MAPK8IP2: variants seen among roughly 807,000 people sequenced by gnomAD.
The protein encoded by MAPK8IP2 is mitogen-activated protein kinase 8 interacting protein 2, also known as C-Jun-amino-terminal kinase-interacting protein 2.
MAPK8IP2 carries 15 observed loss-of-function variants against 75.6 expected under a neutral mutation model. That is an observed-to-expected ratio of 0.20 (90% CI 0.13 to 0.31). MAPK8IP2 has a LOEUF of 0.31. MAPK8IP2 is among the 10% of genes least tolerant of loss of function. The pLI is 1.00. For missense variants in MAPK8IP2, 1,089 were observed against 1,211.2 expected, an observed-to-expected ratio of 0.90 and a Z score of 1.50; for synonymous variants, 632 against 554.5, an observed-to-expected ratio of 1.14 and a Z score of -1.96.
In MAPK8IP2 at chr22:50,603,643, C is replaced by T. The variant is rs371979192; in HGVS notation, c.465C>T (p.Asn155=). 1.1e-4 allele frequency: 177 copies of T among 1,594,770 alleles called. No homozygotes were observed. Among genetic ancestry groups the T allele is most frequent in the Non-Finnish European group, 1.5e-4 (171 of 1,171,174 alleles). Reference sequence around the variant, plus strand: ...CACCCCAGGACTCCCTAAACAACAACGGAGGCTTTGACCTGGTGCGTCCGG... The same window carrying T: ...CACCCCAGGACTCCCTAAACAACAATGGAGGCTTTGACCTGGTGCGTCCGG... ...TLGAQDSLNN[N]GGFDLVRPAS... is the part of the protein sequence containing the mutation. The change falls in exon 4 of 12, where the codon AAC becomes AAT. Residue 155 remains asparagine (N), a synonymous_variant. Transcript: ENST00000329492.
In MAPK8IP2 at chr22:50,604,080, G is replaced by C. The variant is rs755283125; in HGVS notation, c.781G>C (p.Gly261Arg). 1 of 1,543,694 alleles carries C rather than the reference G, an allele frequency of 6.5e-7. No individual in the cohort carries two copies. The highest frequency in any genetic ancestry group is 2.5e-5 in the East Asian group (1 of 40,790). The change falls in exon 5 of 12, where the codon GGC becomes CGC. Residue 261 changes from glycine (G) to arginine (R), a missense_variant. Transcript: ENST00000329492. ...SPGSDSEDAG[G>R]ARLGRMISSI... ...CGGCTCCGACTCGGAGGACGCGGGCGGCGCGCGCCTGGGGCGCATGATCTC... is the reference window on the plus strand; with the variant it reads ...CGGCTCCGACTCGGAGGACGCGGGCCGCGCGCGCCTGGGGCGCATGATCTC...
intron 1 of MAPK8IP2, chr22:50,601,426 C>G (rs868671306): frequency 4.1e-6 from 1 of 244,936 alleles, no homozygotes; most frequent in African/African-American, 2.2e-5. Context: ...AGAGCAGGAG[C>G]GACCCCTCCC....
Position 50,604,186 on chromosome 22 carries a change from C to G in MAPK8IP2, c.887C>G (p.Ser296Cys), listed in dbSNP as rs1457973345. ...SSGRSSHLTN[S>C]IEEASSPASE... Reference sequence around the variant, plus strand: ...GGCCGCTCCTCGCACCTCACCAACTCCATCGAGGAGGCCTCGTCGCCCGCC... The same window carrying G: ...GGCCGCTCCTCGCACCTCACCAACTGCATCGAGGAGGCCTCGTCGCCCGCC... The change falls in exon 5 of 12, where the codon TCC (serine) becomes TGC (cysteine). Residue 296 changes from serine (S) to cysteine (C), a missense_variant. Ser to Cys is a moderately radical substitution (Grantham distance 112, BLOSUM62 -1). Around this residue, in one of 2 missense-constraint regions of MAPK8IP2, gnomAD observed 960 missense variants for 1,009.6 expected, o/e 0.95. Coordinates refer to ENST00000329492, the MANE Select transcript of MAPK8IP2 (RefSeq NM_012324.6). The G allele has an allele frequency of 6.5e-7, 1 of 1,547,562 alleles. No individual in the cohort carries two copies. The highest frequency in any genetic ancestry group is 1.9e-5 in the Admixed American group (1 of 52,872).
intron 10 of MAPK8IP2, among the ~76,000 whole-genome samples, chr22:50,609,456 G>A (rs566663331): frequency 1.3e-3 from 200 of 152,296 alleles, no homozygotes; most frequent in Non-Finnish European, 1.9e-3. Context: ...TGACTTGAAC[G>A]CGGCATTTGA....
In MAPK8IP2 at chr22:50,605,573, G is replaced by A. The variant is rs973874045; in HGVS notation, c.1853G>A (p.Arg618Gln). Reference sequence around the variant, plus strand: ...TCCCCCAACGGCAGGTTCATCCCGCGGCATCCAGACGAGCTGGAGCTGGAT... The same window carrying A: ...TCCCCCAACGGCAGGTTCATCCCGCAGCATCCAGACGAGCTGGAGCTGGAT... ...THRAVFRFIP[R>Q]HPDELELDVD... The change falls in exon 7 of 12, where the codon CGG becomes CAG. Residue 618 changes from arginine (R) to glutamine (Q), a missense_variant. Arg to Gln is a conservative substitution (Grantham distance 43). Around this residue, in one of 2 missense-constraint regions of MAPK8IP2, gnomAD observed 960 missense variants for 1,009.6 expected, o/e 0.95. Coordinates refer to ENST00000329492, the MANE Select transcript of MAPK8IP2 (RefSeq NM_012324.6). 1 of 1,588,462 alleles carries A rather than the reference G, an allele frequency of 6.3e-7. No individual in the cohort carries two copies. The highest frequency in any genetic ancestry group is 1.8e-5 in the Admixed American group (1 of 56,752).
Position 50,600,799 on chromosome 22 carries a change from G to A in MAPK8IP2, c.-20G>A. 8.0e-7 allele frequency: 1 copy of A among 1,243,454 alleles called. No homozygotes were observed. The highest frequency in any genetic ancestry group is 1.5e-5 in the South Asian group (1 of 66,972). 77.0% of individuals were successfully genotyped at this position (1,243,454 alleles called of 1,614,324 possible). On this transcript the variant is annotated 5_prime_UTR_variant, in exon 1 of 12. Coordinates refer to ENST00000329492, the MANE Select transcript of MAPK8IP2 (RefSeq NM_012324.6). ...GGCTCCCGCACCCCCCGCCGCAGTC[G>A]CGGGCCTCTCCCGGAGAAGATGGCG...
At position 50,605,709 on chromosome 22, in the gene MAPK8IP2, G is replaced by A. The variant is rs1345658213; in HGVS notation, c.1989G>A (p.Val663=). ...TTCCTGCCTTCTACGCCCATGCGGT[G>A]CCCGGCCCTGCCAAGGACCTGCTGG... ...GVFPAFYAHA[V]PGPAKDLLGS... is the part of the protein sequence containing the mutation. Residue 663 remains valine, a synonymous_variant, in exon 7 of 12, where the codon GTG becomes GTA. Transcript: ENST00000329492. The A allele has an allele frequency of 6.2e-7, 1 of 1,609,766 alleles. No individual in the cohort carries two copies.
chr22:50,609,613 G>A, intron 10 of MAPK8IP2: 1 of 385,396 alleles, frequency 2.6e-6, no homozygotes, highest in Non-Finnish European at 5.3e-6. Flanking sequence ...TGGGGGTGGG[G>A]CAGCGTCCTG....
At chr22:50,602,118 G>A (rs1309751651) in intron 2 of MAPK8IP2, among the ~76,000 whole-genome samples, 1 of 152,134 alleles carries the variant, frequency 6.6e-6, no homozygotes, top group Non-Finnish European at 1.5e-5. Flanking sequence ...CATTCTCCCC[G>A]ACCCCATCGG....
chr22:50,604,222 A>G lies in MAPK8IP2; in HGVS notation c.923A>G (p.Glu308Gly), dbSNP rs2146682525. ...GCCTCGTCGCCCGCCTCGGAGCCGG[A>G]GCCCCCGCGCGAACCCCCGCGCCGC... is the stretch of plus-strand genomic sequence containing the variant. Reference protein sequence around the residue: ...EEASSPASEPEPPREPPRRPA... With the variant: ...EEASSPASEPGPPREPPRRPA... Residue 308 changes from glutamate (E) to glycine (G), a missense_variant, in exon 5 of 12, where the codon GAG becomes GGG. Physicochemically the swap from Glu to Gly is moderately conservative, Grantham distance 98. Transcript: ENST00000329492. 6.4e-7 allele frequency: 1 copy of G among 1,554,668 alleles called. No individual in the cohort carries two copies. Among genetic ancestry groups the G allele is most frequent in the Non-Finnish European group, 8.6e-7 (1 of 1,158,356 alleles).
chr22:50,605,282 T>C (rs1162695645), intron 5 of MAPK8IP2, 86 bp from the exon 6 acceptor site: 6 of 1,339,468 alleles, frequency 4.5e-6, no homozygotes, highest in African/African-American at 1.4e-5. Context: ...GGAGGGGACT[T>C]GGCCTCTGCC....
rs1318134875 is a variant in MAPK8IP2 at position 50,610,946 on chromosome 22, C to G, written c.*167C>G. The G allele has an allele frequency of 3.3e-6, 2 of 597,926 alleles. No homozygotes were observed. The highest frequency in any genetic ancestry group is 6.1e-5 in the Admixed American group (2 of 32,840). The allele number at this position is 597,926 out of a possible 1,614,324, so 37.0% of individuals were successfully genotyped here. A position where few individuals can be genotyped will look rare whatever the true frequency, so the allele number is the denominator to read the frequency against. On this transcript the variant is annotated 3_prime_UTR_variant, in exon 12 of 12. Transcript: ENST00000329492. This position sits in a 1 kb window ranked among gnomAD's most constrained non-coding sequence, Gnocchi z 4.3. ...ACTCTCGTCCTCGGTCCCCAGGGCG[C>G]AGCTGTTGGGGCTGCGGGGGAGTGG...
chr22:50,603,522 CCTGGAG>C (rs2070977534), intron 3 of MAPK8IP2, 24 bp downstream of exon 3: 2 of 1,570,434 alleles, frequency 1.3e-6, no homozygotes, highest in African/African-American at 1.3e-5. Flanking sequence ...CCCACAGCTC[CCTGGAG>C]CTGAGCCTGG....
chr22:50,609,158 G>A (rs1473171906), intron 10 of MAPK8IP2, among the ~76,000 whole-genome samples: 1 of 152,186 alleles, frequency 6.6e-6, no homozygotes, highest in East Asian at 1.9e-4. Context: ...CGATGAACTC[G>A]TTTCTTCATG....
rs768504030 is a variant in MAPK8IP2, at chr22:50,604,913, G to A, written c.1614G>A (p.Glu538=). ...RCAGLGHDSE[E]DSGGEASEEE... Reference sequence around the variant, plus strand: ...CTGGGCTGGGCCACGACAGCGAAGAGGACAGCGGCGGGGAGGCCAGCGAGG... The same window carrying A: ...CTGGGCTGGGCCACGACAGCGAAGAAGACAGCGGCGGGGAGGCCAGCGAGG... Residue 538 remains glutamate, a synonymous_variant, in exon 5 of 12, where the codon GAG becomes GAA. Coordinates refer to ENST00000329492, the MANE Select transcript of MAPK8IP2 (RefSeq NM_012324.6). The A allele has an allele frequency of 5.4e-5, 87 of 1,610,138 alleles. No homozygotes were observed. The East Asian group carries it at 1.9e-3, about 34-fold the overall frequency.
chr22:50,605,164 G>A, intron 5 of MAPK8IP2, 100 bp downstream of exon 5: 1 of 1,417,530 alleles, frequency 7.1e-7, no homozygotes, highest in Non-Finnish European at 9.8e-7. Flanking sequence ...CCACCTGAGG[G>A]TCTGGCTGTG....
chr22:50,605,916 G>C lies in MAPK8IP2; in HGVS notation c.2106G>C (p.Leu702=). 1 of 1,579,306 alleles carries C rather than the reference G, an allele frequency of 6.3e-7. No homozygotes were observed. The highest frequency in any genetic ancestry group is 1.2e-5 in the South Asian group (1 of 86,368). ...CCTGCCACCAGGGCAACGGCATCCT[G>C]TGTGCAGCCATGCAGAAGGTCAGTG... ...EVPCHQGNGI[L]CAAMQKIATA... The change falls in exon 8 of 12, where the codon CTG becomes CTC. Residue 702 remains leucine, a synonymous_variant. Transcript: ENST00000329492.
intron 8 of MAPK8IP2, 104 bp from the exon 9 acceptor site, chr22:50,606,554 C>T: frequency 3.7e-6 from 3 of 821,090 alleles, no homozygotes; most frequent in Admixed American, 4.0e-5. Flanking sequence ...GCATGTGTGT[C>T]CTCAAACATA....
At position 50,604,398 on chromosome 22, in the gene MAPK8IP2, C is replaced by T. The variant is rs1198650665; in HGVS notation, c.1099C>T (p.Arg367Cys). The T allele has an allele frequency of 1.3e-6, 2 of 1,521,502 alleles. No homozygotes were observed. The highest frequency in any genetic ancestry group is 2.5e-5 in the East Asian group (1 of 39,230). 94.3% of individuals were successfully genotyped at this position (1,521,502 alleles called of 1,614,324 possible). A position where few individuals can be genotyped will look rare whatever the true frequency, so the allele number is the denominator to read the frequency against. ...GATCTCCGAGGGCTCCTCGCCCATC[C>T]GCTGCCCCGGCCAGTGCCTGTCTCC... ...RMISEGSSPI[R>C]CPGQCLSPAP... Residue 367 changes from arginine to cysteine, a missense_variant, in exon 5 of 12, where the codon CGC becomes TGC. By Grantham distance (180) the Arg-to-Cys change is radical (BLOSUM62 -3). This residue lies in a region of MAPK8IP2 where 960 missense variants were observed against 1,009.6 expected (regional missense o/e 0.95). Coordinates refer to ENST00000329492, the MANE Select transcript of MAPK8IP2 (RefSeq NM_012324.6).
Sources: allele counts gnomAD v4.1 joint callset (sites outside exome capture counted in the v4.1 genomes callset), GRCh38; gene constraint gnomAD v4.1.1; regional missense constraint gnomAD v4.1.1; non-coding constraint Gnocchi (gnomAD v3.1); transcripts MANE v1.5; gene names NCBI Gene and HGNC (gene_info 2026-07-23, HGNC 2026-07-21).